Variants in CALM2 observed in about 807,000 individuals in gnomAD.
The protein encoded by CALM2 is calmodulin 2, also known as calmodulin-2.
Under a neutral mutation model 19.8 loss-of-function variants are expected in CALM2, and 2 were observed. The ratio of observed to expected loss-of-function variants is 0.10; its 90% CI spans 0.04 to 0.32. The LOEUF (loss-of-function observed/expected upper bound fraction) is 0.32. Ranked by LOEUF, CALM2 falls within the 10% of genes least tolerant of loss-of-function variation. The pLI is 1.00. For missense variants in CALM2, 38 were observed against 178.7 expected, an observed-to-expected ratio of 0.21 and a Z score of 4.49; for synonymous variants, 51 against 52.1, an observed-to-expected ratio of 0.98 and a Z score of 0.09.
intron 2 of CALM2, chr2:47,162,877 G>C: frequency 2.1e-6 from 1 of 466,962 alleles, no homozygotes; most frequent in African/African-American, 2.0e-5. Context: ...ATTGAAATGT[G>C]ACTTTGACTC....
intron 2 of CALM2, among the ~76,000 whole-genome samples, chr2:47,166,046 C>G (rs896089273): frequency 6.6e-6 from 1 of 152,022 alleles, no homozygotes; most frequent in Non-Finnish European, 1.5e-5. Context: ...CATCTAATAC[C>G]AATCAGAAGG....
chr2:47,162,687 C>A, intron 2 of CALM2, 25 bp from the exon 3 acceptor site: 1 of 1,544,184 alleles, frequency 6.5e-7, no homozygotes, highest in Non-Finnish European at 8.8e-7. Context: ...GACCACAATC[C>A]AAATACACAG....
At position 47,176,486 on chromosome 2, in the gene CALM2, C is replaced by G. The variant is rs1347870862; in HGVS notation, c.-43G>C. The G allele has an allele frequency of 6.2e-7, 1 of 1,613,122 alleles. No homozygotes were observed. The highest frequency in any genetic ancestry group is 1.7e-5 in the Admixed American group (1 of 59,958). The stretch of plus-strand genomic sequence containing the variant: ...TTTCCGAGACGCGACCACACAACCA[C>G]TCAGCTCGCTCTCTCCACTCGGACT... On this transcript the variant is annotated 5_prime_UTR_variant, in exon 1 of 6. Coordinates refer to ENST00000272298, the MANE Select transcript of CALM2 (RefSeq NM_001743.6).
In CALM2 at chr2:47,164,294, C is replaced by A. The variant is rs534413431; in HGVS notation, c.35-1632G>T. ...AACCCCGTCTCTACTAAAACACACACACACACAAGCTGGGTGTGGCGGCGT... is the reference window on the plus strand; with the variant it reads ...AACCCCGTCTCTACTAAAACACACAAACACACAAGCTGGGTGTGGCGGCGT... On this transcript the variant is annotated intron_variant, in intron 2 of 5. Transcript: ENST00000272298. Among the ~76,000 whole-genome samples the A allele has an allele frequency of 3.4e-3, 505 of 147,230 alleles. 3 individuals carry two copies. The highest frequency in any genetic ancestry group is 0.012 in the African/African-American group (496 of 40,158).
chr2:47,173,685 G>T (rs1482716446), intron 1 of CALM2: 1 of 152,168 alleles, frequency 6.6e-6, no homozygotes, highest in African/African-American at 2.4e-5. Context: ...GAGCCCATAG[G>T]CTTGAAATGG....
At chr2:47,162,441 C>G in intron 3 of CALM2, 49 bp from the exon 4 acceptor site, 2 of 1,607,224 alleles carry the variant, frequency 1.2e-6, no homozygotes, top group Non-Finnish European at 1.7e-6. Flanking sequence ...AACATATAAG[C>G]AAACAGCAAA....
intron 2 of CALM2, among the ~76,000 whole-genome samples, chr2:47,169,780 A>G (rs1666607916): frequency 6.6e-6 from 1 of 152,170 alleles, no homozygotes; most frequent in African/African-American, 2.4e-5. Flanking sequence ...TGGGCTATAT[A>G]GTTCCAACTG....
rs1666420875 is a variant in CALM2, at chr2:47,165,118, C to CTCCA, written c.35-2460_35-2457dup. Among the ~76,000 whole-genome samples, 3 of 152,354 alleles carry CTCCA rather than the reference C, an allele frequency of 2.0e-5. No homozygotes were observed. In the South Asian group the frequency reaches 6.2e-4, roughly 32 times the overall value. ...TCCACTATTTTAAAATGACATCCAGCTCCAACTCATCACCTGAAAATGCTG... is the reference window on the plus strand; with the variant it reads ...TCCACTATTTTAAAATGACATCCAGCTCCATCCAACTCATCACCTGAAAATGCTG... On this transcript the variant is annotated intron_variant, in intron 2 of 5. Coordinates refer to ENST00000272298, the MANE Select transcript of CALM2 (RefSeq NM_001743.6).
intron 2 of CALM2, among the ~76,000 whole-genome samples, chr2:47,168,530 C>T (rs1044915716): frequency 2.0e-5 from 3 of 151,804 alleles, no homozygotes; most frequent in Non-Finnish European, 2.9e-5. Context: ...CCTGAGGTTG[C>T]GAGTTTGAGA....
intron 2 of CALM2, 73 bp from the exon 3 acceptor site, chr2:47,162,735 C>T: frequency 8.1e-7 from 1 of 1,241,338 alleles, no homozygotes; most frequent in East Asian, 2.5e-5. Context: ...AACGTATTAA[C>T]TCTTAAAGCC....
Position 47,172,685 on chromosome 2 carries a change from A to G in CALM2, c.4-1921T>C, listed in dbSNP as rs373304982. On this transcript the variant is annotated intron_variant, in intron 1 of 5. Transcript: ENST00000272298. ...CAACCCAGCGACAGATGCAGCGGAC[A>G]TCACTTTAAGGCTAAAAAAAAGTTG... 4.9e-5 allele frequency: 15 copies of G among 308,160 alleles called. No individual in the cohort carries two copies. In the East Asian group the frequency reaches 1.3e-3, roughly 26 times the overall value. The allele number at this position is 308,160 out of a possible 1,614,324, so 19.1% of individuals were successfully genotyped here.
chr2:47,164,503 A>T (rs1300021527), intron 2 of CALM2, among the ~76,000 whole-genome samples: 1 of 152,004 alleles, frequency 6.6e-6, no homozygotes, highest in East Asian at 1.9e-4. Context: ...AGGCTGCAGC[A>T]GCAGAACTGC....
intron 2 of CALM2, among the ~76,000 whole-genome samples, chr2:47,165,450 CTATGTCCAACAAA>C: frequency 6.6e-6 from 1 of 152,214 alleles, no homozygotes; most frequent in Admixed American, 6.5e-5. Flanking sequence ...ACACTTAGAA[CTATGTCCAACAAA>C]TACATACTTA....
At chr2:47,167,137 T>C (rs976091052) in intron 2 of CALM2, among the ~76,000 whole-genome samples, 2 of 152,244 alleles carry the variant, frequency 1.3e-5, no homozygotes, top group East Asian at 1.9e-4. Flanking sequence ...TTAAAGATCA[T>C]GTACTGGAAC....
rs369374910 is a variant in CALM2 at position 47,162,574 on chromosome 2, C to T, written c.123G>A (p.Gly41=). ...KELGTVMRSL[G]QNPTEAELQD... ...GTAACTCTGCTTCTGTGGGATTCTG[C>T]CCAAGAGATCTCATTACAGTTCCCA... Residue 41 remains glycine, a synonymous_variant, in exon 3 of 6, where the codon GGG becomes GGA. Coordinates refer to ENST00000272298, the MANE Select transcript of CALM2 (RefSeq NM_001743.6). The T allele has an allele frequency of 1.1e-5, 18 of 1,613,928 alleles. No homozygotes were observed. Among genetic ancestry groups the T allele is most frequent in the Middle Eastern group, 1.6e-4 (1 of 6,062 alleles).
intron 4 of CALM2, 43 bp from the exon 5 acceptor site, chr2:47,161,901 T>C: frequency 6.5e-7 from 1 of 1,530,676 alleles, no homozygotes; most frequent in Non-Finnish European, 8.9e-7. Context: ...AATTACAGAC[T>C]TGAGAGTTGG....
At chr2:47,175,021 G>T (rs903761237) in intron 1 of CALM2, among the ~76,000 whole-genome samples, 1 of 148,118 alleles carries the variant, frequency 6.8e-6, no homozygotes, top group African/African-American at 2.5e-5. Context: ...ACCCATCGCT[G>T]TAACCACTTG....
In CALM2 at chr2:47,175,098, T is replaced by TTTTTTTC. The variant is rs34858572; in HGVS notation, c.3+1342_3+1343insGAAAAAA. Among the ~76,000 whole-genome samples the TTTTTTTC allele has an allele frequency of 4.3e-4, 42 of 97,744 alleles. 1 individual carries two copies. Among genetic ancestry groups the TTTTTTTC allele is most frequent in the Admixed American group, 1.6e-3 (16 of 10,144 alleles). 64.1% of individuals were successfully genotyped at this position (97,744 alleles called of 152,430 possible). On this transcript the variant is annotated intron_variant, in intron 1 of 5. Transcript: ENST00000272298. Reference sequence around the variant, plus strand: ...CATTAGGTGTTTTTTTTTTTTTTTTTCAGGAAAGAACATGATCTCCCAGTC... The same window carrying TTTTTTTC: ...CATTAGGTGTTTTTTTTTTTTTTTTTTTTTTTCCAGGAAAGAACATGATCTCCCAGTC...
At chr2:47,176,526 GC>G, upstream of CALM2, 3 of 1,586,558 alleles carry the variant, frequency 1.9e-6, no homozygotes, top group South Asian at 1.1e-5. Context: ...CGCCTCCTCC[GC>G]CCCCAGCGCC....
Sources: allele counts gnomAD v4.1 joint callset (sites outside exome capture counted in the v4.1 genomes callset), GRCh38; gene constraint gnomAD v4.1.1; transcripts MANE v1.5; gene names NCBI Gene and HGNC (gene_info 2026-07-23, HGNC 2026-07-21).